The following BMP6 variants were observed in gnomAD, a reference collection of about 807,000 sequenced individuals.
BMP6 encodes the protein bone morphogenetic protein 6, also known as VG-1-R.
In BMP6, 17 loss-of-function variants were observed where a neutral mutation model predicts 54.1. The ratio of observed to expected loss-of-function variants is 0.31; its 90% CI spans 0.22 to 0.47. The LOEUF (loss-of-function observed/expected upper bound fraction) is 0.47, where lower values mean the gene tolerates loss of function less well. BMP6 is among the 20% of genes least tolerant of loss of function. The pLI, the probability that BMP6 is intolerant of heterozygous loss-of-function variation, is 1.00. For missense variants in BMP6, 720 were observed against 690.4 expected, an observed-to-expected ratio of 1.04 and a Z score of -0.48; for synonymous variants, 328 against 291.2, an observed-to-expected ratio of 1.13 and a Z score of -1.28.
At chr6:7,798,672 T>G (rs1758226505) in intron 1 of BMP6, among the ~76,000 whole-genome samples, 1 of 152,232 alleles carries the variant, frequency 6.6e-6, no homozygotes, top group Non-Finnish European at 1.5e-5. Context: ...CACTGCTGCT[T>G]GCCACACACT....
At chr6:7,743,204 T>C (rs1757294958) in intron 1 of BMP6, among the ~76,000 whole-genome samples, 1 of 152,256 alleles carries the variant, frequency 6.6e-6, no homozygotes, top group Non-Finnish European at 1.5e-5. Flanking sequence ...GTGTATTCTA[T>C]AGTGTATACT....
intron 1 of BMP6, among the ~76,000 whole-genome samples, chr6:7,771,957 G>A (rs952225848): frequency 2.0e-5 from 3 of 151,862 alleles, no homozygotes; most frequent in Admixed American, 6.6e-5. Context: ...GGAGGCTGAG[G>A]CAGAGAGAAT....
chr6:7,850,784 A>G (rs996643698), intron 2 of BMP6, among the ~76,000 whole-genome samples: 6 of 152,206 alleles, frequency 3.9e-5, no homozygotes, highest in Non-Finnish European at 8.8e-5. Context: ...CTACAGTAGG[A>G]GATTGTTGAG....
chr6:7,783,597 C>T (rs1757979665), intron 1 of BMP6, among the ~76,000 whole-genome samples: 1 of 152,226 alleles, frequency 6.6e-6, no homozygotes, highest in Non-Finnish European at 1.5e-5. Flanking sequence ...GGCGCAATAA[C>T]GTAAATCCAG....
intron 2 of BMP6, among the ~76,000 whole-genome samples, chr6:7,847,661 C>T (rs1288209177): frequency 6.6e-6 from 1 of 152,158 alleles, no homozygotes; most frequent in Non-Finnish European, 1.5e-5. Flanking sequence ...CTGAGTCACA[C>T]ACTCAGCTGG....
chr6:7,835,772 C>T (rs926676554), intron 1 of BMP6, among the ~76,000 whole-genome samples: 1 of 152,110 alleles, frequency 6.6e-6, no homozygotes, highest in Non-Finnish European at 1.5e-5. Flanking sequence ...TCATAGAAGC[C>T]AAGGTCCACT....
At chr6:7,868,235 A>T (rs1225300955) in intron 4 of BMP6, among the ~76,000 whole-genome samples, 2 of 152,234 alleles carry the variant, frequency 1.3e-5, no homozygotes, top group Non-Finnish European at 2.9e-5. Flanking sequence ...GCAACCAAAA[A>T]ATAGGGCCTC....
chr6:7,844,587 G>T (rs766510493), intron 1 of BMP6, among the ~76,000 whole-genome samples: 2 of 152,030 alleles, frequency 1.3e-5, no homozygotes, highest in Non-Finnish European at 2.9e-5. Flanking sequence ...TCAGGCCCAG[G>T]CAAAATGCTT....
At chr6:7,838,818 T>G (rs899014573) in intron 1 of BMP6, among the ~76,000 whole-genome samples, 4 of 151,716 alleles carry the variant, frequency 2.6e-5, no homozygotes, top group Non-Finnish European at 5.9e-5. Context: ...GGCAGGCGCC[T>G]GGAGTCCCAG....
chr6:7,855,156 G>T (rs1759204996), intron 2 of BMP6, among the ~76,000 whole-genome samples: 1 of 152,214 alleles, frequency 6.6e-6, no homozygotes, highest in Non-Finnish European at 1.5e-5. Context: ...AGAGGAGCAA[G>T]AAATCTTGAG....
chr6:7,744,980 A>T (rs990960359), intron 1 of BMP6, among the ~76,000 whole-genome samples: 8 of 152,214 alleles, frequency 5.3e-5, no homozygotes, highest in African/African-American at 1.9e-4. Flanking sequence ...AGTTTTGGTC[A>T]ATCTCCAGTG....
chr6:7,846,359 G>T (rs2113256364), intron 2 of BMP6, among the ~76,000 whole-genome samples: 1 of 152,272 alleles, frequency 6.6e-6, no homozygotes, highest in Non-Finnish European at 1.5e-5. Flanking sequence ...GAATGACTTT[G>T]GTTTTTCCTG....
chr6:7,822,278 C>T (rs1463231559), intron 1 of BMP6, among the ~76,000 whole-genome samples: 1 of 152,182 alleles, frequency 6.6e-6, no homozygotes, highest in African/African-American at 2.4e-5. Context: ...CCTTGGCCTC[C>T]CAAAGTGTTG....
rs1157836770 is a variant in BMP6, at chr6:7,875,622, T to C, written c.1205-3452T>C. Among the ~76,000 whole-genome samples, 5 of 152,168 alleles carry C rather than the reference T, an allele frequency of 3.3e-5. No individual in the cohort carries two copies. In the East Asian group the frequency reaches 9.6e-4, roughly 29 times the overall value. On this transcript the variant is annotated intron_variant, in intron 4 of 6. Transcript: ENST00000283147. ...GGTCAAGTCTGCAGTGAGCCATGAT[T>C]GTGCCACTGTGCTCCAGCTTGCGTG...
intron 1 of BMP6, among the ~76,000 whole-genome samples, chr6:7,790,101 C>G (rs1285548385): frequency 6.6e-6 from 1 of 152,086 alleles, no homozygotes; most frequent in African/African-American, 2.4e-5. Flanking sequence ...GGGCTGTTCC[C>G]TCTGTCCATT....
At chr6:7,810,376 G>A (rs1561779167) in intron 1 of BMP6, among the ~76,000 whole-genome samples, 1 of 152,194 alleles carries the variant, frequency 6.6e-6, no homozygotes, top group Non-Finnish European at 1.5e-5. Flanking sequence ...GCTCACTGAG[G>A]CCCAGTAATC....
At chr6:7,733,263 C>T (rs1274916672) in intron 1 of BMP6, among the ~76,000 whole-genome samples, 2 of 152,150 alleles carry the variant, frequency 1.3e-5, no homozygotes, top group Non-Finnish European at 2.9e-5. Context: ...TTTTCTACTT[C>T]GATCTTTATT....
intron 1 of BMP6, among the ~76,000 whole-genome samples, chr6:7,841,215 C>T (rs1440296650): frequency 1.3e-5 from 2 of 152,192 alleles, no homozygotes; most frequent in African/African-American, 2.4e-5. Context: ...TCAACACCAG[C>T]GTCTCAGTTT....
intron 4 of BMP6, among the ~76,000 whole-genome samples, chr6:7,871,788 G>A (rs762701438): frequency 7.2e-5 from 11 of 152,184 alleles, no homozygotes; most frequent in Non-Finnish European, 7.3e-5. Flanking sequence ...GGGCAGTAGC[G>A]CTACCTGTGT....
Sources: gnomAD v4.1 joint callset for allele counts (sites outside exome capture counted in the v4.1 genomes callset) on GRCh38, gnomAD v4.1.1 for gene constraint, MANE v1.5 for transcripts, NCBI Gene and HGNC (gene_info 2026-07-23, HGNC 2026-07-21) for gene names.